The following CHIC1 variants were observed in gnomAD, a reference collection of about 807,000 sequenced individuals.
CHIC1 encodes cysteine-rich hydrophobic domain-containing protein 1.
CHIC1 carries 7 observed loss-of-function variants against 18.5 expected under a neutral mutation model. The observed-to-expected ratio is 0.38, with a 90% CI of 0.22 to 0.71. CHIC1 has a LOEUF of 0.71. Ranked by LOEUF, CHIC1 falls within the 30% of genes least tolerant of loss-of-function variation. CHIC1 has a pLI of 0.49. For synonymous variants in CHIC1, 77 were observed against 73.5 expected (o/e 1.05, Z -0.25); for missense variants, 159 against 176.9 (o/e 0.90, Z 0.57).
chrX:73,592,584 A>T (rs1395051285), intron 3 of CHIC1, among the ~76,000 whole-genome samples: 3 of 110,335 alleles, frequency 2.7e-5, no homozygotes, highest in African/African-American at 9.9e-5. Context: ...TAATTTTTTG[A>T]TGTGCTGCTG....
intron 3 of CHIC1, among the ~76,000 whole-genome samples, chrX:73,587,534 C>G (rs993056052): frequency 2.7e-5 from 3 of 111,500 alleles, no homozygotes; most frequent in Admixed American, 1.9e-4. Context: ...GGACTACTTT[C>G]TGACTCATGA....
chrX:73,673,586 G>A (rs182549337), intron 3 of CHIC1, among the ~76,000 whole-genome samples: 16 of 111,789 alleles, frequency 1.4e-4, no homozygotes, highest in Non-Finnish European at 2.6e-4. Flanking sequence ...TGTGATTTTT[G>A]TACATTGATT....
At chrX:73,566,734 T>C (rs781006881) in intron 1 of CHIC1, among the ~76,000 whole-genome samples, 269 of 111,760 alleles carry the variant, frequency 2.4e-3, no homozygotes, top group African/African-American at 8.0e-3. Context: ...TTAATATCAC[T>C]GTGACCCTCT....
intron 3 of CHIC1, among the ~76,000 whole-genome samples, chrX:73,624,148 A>C (rs1441568688): frequency 9.1e-6 from 1 of 110,182 alleles, no homozygotes; most frequent in Non-Finnish European, 1.9e-5. Context: ...AATTTCCATA[A>C]CTTCTAGGTG....
intron 2 of CHIC1, among the ~76,000 whole-genome samples, chrX:73,583,228 C>T (rs1303868545): frequency 9.0e-6 from 1 of 111,044 alleles, no homozygotes; most frequent in Admixed American, 9.6e-5. Flanking sequence ...AATAAAACTT[C>T]TAATAAAGCT....
intron 3 of CHIC1, among the ~76,000 whole-genome samples, chrX:73,643,095 T>C (rs1314899122): frequency 8.9e-6 from 1 of 111,768 alleles, no homozygotes; most frequent in Non-Finnish European, 1.9e-5. Context: ...TTTGCTTGTC[T>C]GTAAAGTATT....
intron 3 of CHIC1, among the ~76,000 whole-genome samples, chrX:73,608,434 A>G (rs933654464): frequency 1.8e-5 from 2 of 108,239 alleles, no homozygotes; most frequent in Admixed American, 1.9e-4. Context: ...TTTCTATGAA[A>G]AAGTCATTGA....
rs1280553707 is a variant in CHIC1 at position 73,685,053 on chromosome X, C to T, written c.*4048C>T. 1 of 111,135 alleles carries T rather than the reference C, an allele frequency of 9.0e-6. No homozygotes were observed. Among genetic ancestry groups the T allele is most frequent in the Non-Finnish European group, 1.9e-5 (1 of 52,807 alleles). The allele number at this position is 111,135 out of a possible 1,213,427, so 9.2% of individuals were successfully genotyped here. A position where few individuals can be genotyped will look rare whatever the true frequency, so the allele number is the denominator to read the frequency against. ...TGATGAGGTGGAACCTAGAGCTGGA[C>T]AAAAAATTAGAGATCACTTAACATT... On this transcript the variant is annotated 3_prime_UTR_variant, in exon 6 of 6. Transcript: ENST00000373502.
rs968084373 is a variant in CHIC1, at chrX:73,682,485, C to A, written c.*1480C>A. On this transcript the variant is annotated 3_prime_UTR_variant, in exon 6 of 6. Transcript: ENST00000373502. ...TCTTACTCTTACTGCTTTTAGTAAACCTTTTAGGCAAGATTCATCTCAGTG... is the reference window on the plus strand; with the variant it reads ...TCTTACTCTTACTGCTTTTAGTAAAACTTTTAGGCAAGATTCATCTCAGTG... The A allele has an allele frequency of 1.8e-5, 2 of 111,431 alleles. No homozygotes were observed. The highest frequency in any genetic ancestry group is 6.5e-5 in the African/African-American group (2 of 30,769). The allele number at this position is 111,431 out of a possible 1,213,427, so 9.2% of individuals were successfully genotyped here.
intron 3 of CHIC1, among the ~76,000 whole-genome samples, chrX:73,615,973 A>G (rs149139437): frequency 0.013 from 1,396 of 111,145 alleles, 22 homozygotes; most frequent in African/African-American, 0.044. Context: ...GTTGTTACCA[A>G]TGATTCAGGG....
chrX:73,620,578 T>A (rs901188872), intron 3 of CHIC1, among the ~76,000 whole-genome samples: 1 of 112,186 alleles, frequency 8.9e-6, no homozygotes, highest in Non-Finnish European at 1.9e-5. Context: ...TTGTTTAAGT[T>A]CCTTGTAGAT....
chrX:73,639,952 A>T (rs1242997337), intron 3 of CHIC1, among the ~76,000 whole-genome samples: 1 of 111,869 alleles, frequency 8.9e-6, no homozygotes. Flanking sequence ...GGCTTTCTAG[A>T]TGAAGAATCT....
chrX:73,655,647 GTGTATATATA>G (rs1467009330), intron 3 of CHIC1, among the ~76,000 whole-genome samples: 5 of 34,541 alleles, frequency 1.4e-4, no homozygotes, highest in African/African-American at 5.8e-4. Context: ...GTGTGTGTGT[GTGTATATATA>G]TATATATATA....
intron 3 of CHIC1, among the ~76,000 whole-genome samples, chrX:73,672,749 T>C (rs1323306466): frequency 2.7e-5 from 3 of 112,177 alleles, no homozygotes; most frequent in Non-Finnish European, 3.8e-5. Context: ...TCTTTTGCTG[T>C]GCAGAAGCTC....
chrX:73,674,852 G>C (rs1367545174), intron 3 of CHIC1, among the ~76,000 whole-genome samples: 1 of 111,359 alleles, frequency 9.0e-6, no homozygotes, highest in Non-Finnish European at 1.9e-5. Context: ...GATCTTTCCT[G>C]CTTTCTCTTG....
intron 3 of CHIC1, among the ~76,000 whole-genome samples, chrX:73,634,456 G>A (rs923895874): frequency 8.0e-5 from 9 of 112,327 alleles, no homozygotes; most frequent in Non-Finnish European, 1.1e-4. Context: ...ATTGAGATTC[G>A]AGTACTGTCT....
At chrX:73,642,363 G>A (rs1436495577) in intron 3 of CHIC1, among the ~76,000 whole-genome samples, 4 of 111,628 alleles carry the variant, frequency 3.6e-5, no homozygotes, top group Non-Finnish European at 7.5e-5. Flanking sequence ...TTTTGATGGC[G>A]TTGTTTGTTT....
chrX:73,641,671 C>G (rs1033654854), intron 3 of CHIC1, among the ~76,000 whole-genome samples: 8 of 108,532 alleles, frequency 7.4e-5, no homozygotes, highest in Non-Finnish European at 1.5e-4. Context: ...TTCCCCCCTC[C>G]CCCCACACCA....
At chrX:73,588,155 G>C (rs758058670) in intron 3 of CHIC1, among the ~76,000 whole-genome samples, 1 of 110,971 alleles carries the variant, frequency 9.0e-6, no homozygotes, top group Non-Finnish European at 1.9e-5. Flanking sequence ...CATATTAAGA[G>C]AACAATTCAT....
Sources: gnomAD v4.1 joint callset for allele counts (sites outside exome capture counted in the v4.1 genomes callset) on GRCh38, gnomAD v4.1.1 for gene constraint, MANE v1.5 for transcripts, NCBI Gene and HGNC (gene_info 2026-07-23, HGNC 2026-07-21) for gene names.